The following NEGR1 variants were observed in gnomAD, a reference collection of about 807,000 sequenced individuals.
NEGR1 encodes the protein neuronal growth regulator 1.
NEGR1 carries 10 observed loss-of-function variants against 40.9 expected under a neutral mutation model. That is an observed-to-expected ratio of 0.24 (90% CI 0.15 to 0.42). The LOEUF is 0.42. NEGR1 is among the 10% of genes least tolerant of loss of function. The pLI is 1.00. For synonymous variants in NEGR1, 185 were observed against 166.8 expected, an observed-to-expected ratio of 1.11 and a Z score of -0.84; for missense variants, 352 against 438.9, an observed-to-expected ratio of 0.80 and a Z score of 1.77.
At chr1:71,694,688 A>T (rs955227088) in intron 4 of NEGR1, among the ~76,000 whole-genome samples, 10 of 151,816 alleles carry the variant, frequency 6.6e-5, no homozygotes, top group African/African-American at 2.4e-4. Flanking sequence ...TTAGAGAAAT[A>T]ATAAAACATT....
chr1:71,861,899 C>T (rs1306359485), intron 2 of NEGR1, among the ~76,000 whole-genome samples: 5 of 151,964 alleles, frequency 3.3e-5, no homozygotes, highest in African/African-American at 1.2e-4. Flanking sequence ...GATGAGGTGG[C>T]CCCTGCCAGG....
intron 1 of NEGR1, among the ~76,000 whole-genome samples, chr1:72,098,316 T>C (rs1389825839): frequency 1.3e-5 from 2 of 152,118 alleles, no homozygotes; most frequent in Non-Finnish European, 2.9e-5. Flanking sequence ...AACAACATAA[T>C]TCCTTTGTCT....
In NEGR1 at chr1:71,534,469, A is replaced by G. The variant is rs904658374; in HGVS notation, c.940+58348T>C. Among the ~76,000 whole-genome samples the G allele has an allele frequency of 2.0e-5, 3 of 151,650 alleles. No individual in the cohort carries two copies. In the East Asian group the frequency reaches 5.9e-4, roughly 30 times the overall value. On this transcript the variant is annotated intron_variant, in intron 6 of 6. Transcript: ENST00000357731. ...TGCTGCCTAGCTGACAGCCAACAGG[A>G]TCATAGTCTAAGTTACAACAGATCT...
At chr1:71,525,478 T>C (rs1033493496) in intron 6 of NEGR1, among the ~76,000 whole-genome samples, 1 of 151,744 alleles carries the variant, frequency 6.6e-6, no homozygotes. Flanking sequence ...ATTTCAATTC[T>C]TCTAATTTCC....
At chr1:72,041,917 A>G (rs1646958737) in intron 1 of NEGR1, among the ~76,000 whole-genome samples, 1 of 145,292 alleles carries the variant, frequency 6.9e-6, no homozygotes, top group Non-Finnish European at 1.5e-5. Flanking sequence ...AATATATATT[A>G]CATGTTTATA....
rs1179732834 is a variant in NEGR1 at position 71,404,676 on chromosome 1, T to G, written c.*2770A>C. 6.6e-6 allele frequency: 1 copy of G among 151,910 alleles called. No individual in the cohort carries two copies. Among genetic ancestry groups the G allele is most frequent in the African/African-American group, 2.4e-5 (1 of 41,312 alleles). The allele number at this position is 151,910 out of a possible 1,614,324, so 9.4% of individuals were successfully genotyped here. ...TTAAACTGCTACTTATTTTTCTTTC[T>G]TCCTTCTTTAAAAAAAAATAGGGGC... On this transcript the variant is annotated 3_prime_UTR_variant, in exon 7 of 7. Transcript: ENST00000357731.
intron 1 of NEGR1, among the ~76,000 whole-genome samples, chr1:72,074,395 C>A (rs912624158): frequency 2.6e-5 from 4 of 151,832 alleles, no homozygotes; most frequent in East Asian, 1.9e-4. Flanking sequence ...TAATATTATT[C>A]TTTATCATCA....
At chr1:72,082,178 T>G (rs373666874) in intron 1 of NEGR1, among the ~76,000 whole-genome samples, 1 of 152,040 alleles carries the variant, frequency 6.6e-6, no homozygotes, top group East Asian at 1.9e-4. Context: ...GGTTAAGAGT[T>G]TATTTGAACA....
At chr1:71,465,789 C>T (rs1557535826) in intron 6 of NEGR1, among the ~76,000 whole-genome samples, 1 of 151,808 alleles carries the variant, frequency 6.6e-6, no homozygotes, top group Non-Finnish European at 1.5e-5. Context: ...ATACTAATGG[C>T]ATGATTGTAG....
intron 1 of NEGR1, among the ~76,000 whole-genome samples, chr1:72,034,634 C>G (rs551523991): frequency 2.6e-5 from 4 of 152,292 alleles, no homozygotes; most frequent in Non-Finnish European, 5.9e-5. Context: ...ACTTCCCTGA[C>G]TCAAAAGGCT....
chr1:72,016,944 A>G (rs1319383631), intron 1 of NEGR1, among the ~76,000 whole-genome samples: 2 of 152,166 alleles, frequency 1.3e-5, no homozygotes, highest in Admixed American at 6.5e-5. Context: ...GATTTTATAC[A>G]TTTGAATTTA....
chr1:71,808,887 C>T (rs1164589984), intron 2 of NEGR1, among the ~76,000 whole-genome samples: 4 of 152,108 alleles, frequency 2.6e-5, no homozygotes, highest in Non-Finnish European at 1.5e-5. Context: ...ATAAATGACA[C>T]TAACAACACC....
At chr1:72,084,461 ATTAT>A (rs1648130437) in intron 1 of NEGR1, among the ~76,000 whole-genome samples, 1 of 152,152 alleles carries the variant, frequency 6.6e-6, no homozygotes, top group African/African-American at 2.4e-5. Context: ...TCTTTCCTGA[ATTAT>A]TTTTCAACTG....
intron 2 of NEGR1, among the ~76,000 whole-genome samples, chr1:71,844,575 C>A (rs1352209350): frequency 6.6e-6 from 1 of 152,148 alleles, no homozygotes; most frequent in Non-Finnish European, 1.5e-5. Flanking sequence ...CAACAGTGTT[C>A]ACATGGAAGC....
At chr1:72,184,571 A>G (rs11209935) in intron 1 of NEGR1, among the ~76,000 whole-genome samples, 103,516 of 151,862 alleles carry the variant, frequency 0.68, 35,626 homozygotes, top group East Asian at 0.85. Flanking sequence ...TTCATGCAAT[A>G]CACTAAGAAT....
intron 1 of NEGR1, among the ~76,000 whole-genome samples, chr1:72,137,360 G>A (rs1169646836): frequency 6.6e-6 from 1 of 152,100 alleles, no homozygotes; most frequent in African/African-American, 2.4e-5. Flanking sequence ...TCCAACCAGT[G>A]ATAGACTAGA....
At chr1:71,479,631 G>T (rs1175856403) in intron 6 of NEGR1, among the ~76,000 whole-genome samples, 1 of 151,966 alleles carries the variant, frequency 6.6e-6, no homozygotes, top group East Asian at 1.9e-4. Context: ...AGAAAACTTT[G>T]CTTCTGGGAA....
At chr1:71,497,679 CA>C (rs1239656823) in intron 6 of NEGR1, among the ~76,000 whole-genome samples, 1 of 151,754 alleles carries the variant, frequency 6.6e-6, no homozygotes. Context: ...TGCACAGTTG[CA>C]AAATTCAATT....
chr1:72,132,137 A>G (rs1049386110), intron 1 of NEGR1, among the ~76,000 whole-genome samples: 3 of 152,174 alleles, frequency 2.0e-5, no homozygotes, highest in South Asian at 2.1e-4. Flanking sequence ...TTAAAAATGT[A>G]TTTTATTCCC....
Sources: gnomAD v4.1 joint callset for allele counts (sites outside exome capture counted in the v4.1 genomes callset) on GRCh38, gnomAD v4.1.1 for gene constraint, MANE v1.5 for transcripts, NCBI Gene and HGNC (gene_info 2026-07-23, HGNC 2026-07-21) for gene names.